CACNA1E: variants seen among roughly 807,000 people sequenced by gnomAD.
The protein encoded by CACNA1E is calcium voltage-gated channel subunit alpha1 E.
In CACNA1E, 40 loss-of-function variants were observed where a neutral mutation model predicts 259.2. The observed-to-expected ratio is 0.15, with a 90% CI of 0.12 to 0.20. CACNA1E has a LOEUF of 0.20. CACNA1E is among the 10% of genes least tolerant of loss of function. The pLI is 1.00. For synonymous variants in CACNA1E, 1,104 were observed against 1,138.5 expected (o/e 0.97, Z 0.61); for missense variants, 1,874 against 3,040.1 (o/e 0.62, Z 9.02).
At chr1:181,319,166 C>T (rs1434933456) in intron 1 of CACNA1E, among the ~76,000 whole-genome samples, 1 of 152,102 alleles carries the variant, frequency 6.6e-6, no homozygotes, top group Non-Finnish European at 1.5e-5. Flanking sequence ...AATGGTTCAC[C>T]GTGTTGGAAC....
At chr1:181,395,120 C>A (rs375834349) in intron 1 of CACNA1E, among the ~76,000 whole-genome samples, 45 of 152,276 alleles carry the variant, frequency 3.0e-4, no homozygotes, top group African/African-American at 1.1e-3. Context: ...AAGGTTGTTG[C>A]TGTGTCCAGA....
At chr1:181,502,106 G>T (rs749437936) in intron 1 of CACNA1E, among the ~76,000 whole-genome samples, 1 of 152,018 alleles carries the variant, frequency 6.6e-6, no homozygotes, top group Non-Finnish European at 1.5e-5. Flanking sequence ...GATGGGAGGG[G>T]TATGCAGGGT....
intron 1 of CACNA1E, among the ~76,000 whole-genome samples, chr1:181,503,816 A>C (rs1161245594): frequency 6.6e-6 from 1 of 152,168 alleles, no homozygotes; most frequent in East Asian, 1.9e-4. Flanking sequence ...TTGACTCTTG[A>C]GTACTGTGTT....
intron 1 of CACNA1E, among the ~76,000 whole-genome samples, chr1:181,384,009 G>A (rs552107924): frequency 6.4e-4 from 97 of 152,324 alleles, no homozygotes; most frequent in Non-Finnish European, 1.0e-3. Flanking sequence ...CTCACTGAGC[G>A]CTGGAAATGG....
At chr1:181,367,819 T>C (rs538316013) in intron 1 of CACNA1E, among the ~76,000 whole-genome samples, 21 of 152,128 alleles carry the variant, frequency 1.4e-4, no homozygotes, top group South Asian at 2.1e-4. Flanking sequence ...GTCATAGAAA[T>C]ATGCCAATTT....
At chr1:181,786,262 A>G (rs569294483) in intron 43 of CACNA1E, among the ~76,000 whole-genome samples, 1 of 152,312 alleles carries the variant, frequency 6.6e-6, no homozygotes, top group African/African-American at 2.4e-5. Flanking sequence ...TGAGGTTGAC[A>G]CTTATAGAGA....
At chr1:181,389,581 A>G (rs1290241153) in intron 1 of CACNA1E, among the ~76,000 whole-genome samples, 2 of 152,220 alleles carry the variant, frequency 1.3e-5, no homozygotes, top group Non-Finnish European at 1.5e-5. Flanking sequence ...CAGGATGTGG[A>G]GAATAGTGCC....
chr1:181,771,424 A>C (rs1374083654), intron 36 of CACNA1E, 40 bp downstream of exon 36: 1 of 1,055,876 alleles, frequency 9.5e-7, no homozygotes, highest in East Asian at 2.5e-5. Flanking sequence ...GGTTCTCCTG[A>C]TGGAGGGAGA....
chr1:181,600,586 G>A (rs773006028), intron 6 of CACNA1E, among the ~76,000 whole-genome samples: 2 of 152,090 alleles, frequency 1.3e-5, no homozygotes, highest in African/African-American at 2.4e-5. Flanking sequence ...TAGGAGAGAT[G>A]GGAAGATCAA....
chr1:181,478,641 GGGT>G, upstream of CACNA1E, among the ~76,000 whole-genome samples: 1 of 114,732 alleles, frequency 8.7e-6, no homozygotes, highest in Non-Finnish European at 2.3e-5. Context: ...GTAACTGGCA[GGGT>G]GGGGGAAGAT....
At chr1:181,330,758 T>A (rs1380253205) in intron 1 of CACNA1E, among the ~76,000 whole-genome samples, 2 of 152,186 alleles carry the variant, frequency 1.3e-5, no homozygotes, top group African/African-American at 4.8e-5. Flanking sequence ...AATTTCAGAC[T>A]GGGTCCTAGC....
At chr1:181,734,622 C>A (rs1325875521) in intron 21 of CACNA1E, among the ~76,000 whole-genome samples, 1 of 144,168 alleles carries the variant, frequency 6.9e-6, no homozygotes, top group Admixed American at 6.9e-5. Flanking sequence ...ACACCCCATC[C>A]CTGCGCTGAC....
At chr1:181,388,084 C>T (rs745975099) in intron 1 of CACNA1E, among the ~76,000 whole-genome samples, 1 of 152,130 alleles carries the variant, frequency 6.6e-6, no homozygotes, top group South Asian at 2.1e-4. Flanking sequence ...TCACCTTGGC[C>T]GATAGACATT....
At chr1:181,684,991 AAT>A (rs1650369821) in intron 7 of CACNA1E, among the ~76,000 whole-genome samples, 1 of 149,784 alleles carries the variant, frequency 6.7e-6, no homozygotes, top group Admixed American at 6.7e-5. Context: ...TGGGGGGCTT[AAT>A]ATATTGTAAA....
intron 6 of CACNA1E, among the ~76,000 whole-genome samples, chr1:181,585,806 G>A (rs915917536): frequency 2.6e-5 from 4 of 152,294 alleles, no homozygotes; most frequent in East Asian, 3.9e-4. Flanking sequence ...GAGCACAGTG[G>A]GTTGAACTGC....
intron 6 of CACNA1E, among the ~76,000 whole-genome samples, chr1:181,618,146 G>A (rs1655399912): frequency 6.6e-6 from 1 of 152,148 alleles, no homozygotes. Context: ...GTATTTGTAT[G>A]AATATGTGAG....
intron 39 of CACNA1E, among the ~76,000 whole-genome samples, chr1:181,782,984 C>G (rs1157369164): frequency 2.0e-5 from 3 of 152,130 alleles, no homozygotes; most frequent in Non-Finnish European, 4.4e-5. Flanking sequence ...GGAACAAGGC[C>G]TGCCCACTCT....
intron 1 of CACNA1E, among the ~76,000 whole-genome samples, chr1:181,489,705 A>T (rs7543571): frequency 0.1 from 15,323 of 152,204 alleles, 823 homozygotes; most frequent in African/African-American, 0.14. Flanking sequence ...ATGCTGAACG[A>T]CTAGGCTAAG....
In CACNA1E at chr1:181,807,703, A is replaced by G. The variant is rs1429105966; in HGVS notation, c.*8869A>G. ...GATATTTTCTTGAGCCCTAAGATAT[A>G]TGACTTTATTAGCTAGGATTTTTCT... On this transcript the variant is annotated 3_prime_UTR_variant, in exon 48 of 48. Transcript: ENST00000367573. 1 of 152,090 alleles carries G rather than the reference A, an allele frequency of 6.6e-6. No individual in the cohort carries two copies. The allele number at this position is 152,090 out of a possible 1,614,324, so 9.4% of individuals were successfully genotyped here.
Sources: allele counts gnomAD v4.1 joint callset (sites outside exome capture counted in the v4.1 genomes callset), GRCh38; gene constraint gnomAD v4.1.1; transcripts MANE v1.5; gene names NCBI Gene and HGNC (gene_info 2026-07-23, HGNC 2026-07-21).